CSMD1: variants seen among roughly 807,000 people sequenced by gnomAD.
CSMD1 encodes CUB and Sushi multiple domains 1, also known as CUB and sushi domain-containing protein 1.
A neutral mutation model predicts 417.5 loss-of-function variants in CSMD1; 213 were observed. The ratio of observed to expected loss-of-function variants is 0.51; its 90% confidence interval spans 0.46 to 0.57. CSMD1 has a LOEUF of 0.57. Ranked by LOEUF, CSMD1 falls within the 20% of genes least tolerant of loss-of-function variation. The pLI, the probability that CSMD1 is intolerant of heterozygous loss-of-function variation, is 0.00. For synonymous variants in CSMD1, 2,862 were observed against 1,736.8 expected (o/e 1.65, Z -16.11); for missense variants, 6,923 against 4,529.7 (o/e 1.53, Z -15.17).
intron 1 of CSMD1, among the ~76,000 whole-genome samples, chr8:4,844,853 G>C (rs533913870): frequency 1.6e-4 from 24 of 152,180 alleles, no homozygotes; most frequent in South Asian, 6.2e-4. Context: ...AAAGCTAAGA[G>C]ATATGCCAGT....
At chr8:4,307,164 G>C (rs1274379441) in intron 3 of CSMD1, among the ~76,000 whole-genome samples, 1 of 152,050 alleles carries the variant, frequency 6.6e-6, no homozygotes, top group Non-Finnish European at 1.5e-5. Flanking sequence ...CTCATCTTCA[G>C]CACAGGCTCC....
At chr8:3,740,456 G>A (rs1019766819) in intron 6 of CSMD1, among the ~76,000 whole-genome samples, 1 of 152,174 alleles carries the variant, frequency 6.6e-6, no homozygotes. Context: ...ACTTTTGCAG[G>A]AGAACTCAGA....
chr8:4,494,147 T>C (rs917319914), intron 2 of CSMD1, among the ~76,000 whole-genome samples: 2 of 152,192 alleles, frequency 1.3e-5, no homozygotes, highest in Admixed American at 6.5e-5. Context: ...TGGGGTAAGA[T>C]ATTGTTGTTT....
chr8:4,523,370 G>C (rs1409167886), intron 2 of CSMD1, among the ~76,000 whole-genome samples: 1 of 152,072 alleles, frequency 6.6e-6, no homozygotes, highest in Non-Finnish European at 1.5e-5. Flanking sequence ...ACTTTTTGTT[G>C]TAGCTGTTGT....
intron 5 of CSMD1, among the ~76,000 whole-genome samples, chr8:3,792,809 C>G (rs1262681451): frequency 2.0e-5 from 3 of 152,166 alleles, no homozygotes; most frequent in East Asian, 3.9e-4. Flanking sequence ...TTGATAATGA[C>G]AGAGAAACAA....
chr8:3,496,070 C>T (rs192768337), intron 10 of CSMD1, among the ~76,000 whole-genome samples: 25 of 152,176 alleles, frequency 1.6e-4, no homozygotes, highest in Admixed American at 7.2e-4. Context: ...CCAATGTTCC[C>T]GAAATAGGCT....
At chr8:4,595,863 C>T (rs7009652) in intron 2 of CSMD1, among the ~76,000 whole-genome samples, 37,652 of 152,132 alleles carry the variant, frequency 0.25, 7,112 homozygotes, top group African/African-American at 0.53. Context: ...CATGGATCTT[C>T]CATTCCTTCT....
At position 2,961,205 on chromosome 8, in the gene CSMD1, T is replaced by G; in HGVS notation, c.9638A>C (p.His3213Pro). ...CGTACCAGGGTCTGGGCAGGTGTTA[T>G]GAGCAGGATCTGAAATTTGTGATTT... Reference protein sequence around the residue: ...GIQPTCIDPAHNTCPDPGTPH... With the variant: ...GIQPTCIDPAPNTCPDPGTPH... Residue 3213 changes from histidine (H) to proline (P), a missense_variant, in exon 62 of 70, where the codon CAT (histidine) becomes CCT (proline). Coordinates refer to ENST00000635120, the MANE Select transcript of CSMD1 (RefSeq NM_033225.6). The G allele has an allele frequency of 6.3e-7, 1 of 1,593,814 alleles. No homozygotes were observed. The highest frequency in any genetic ancestry group is 2.3e-5 in the East Asian group (1 of 44,358).
intron 2 of CSMD1, among the ~76,000 whole-genome samples, chr8:4,516,791 C>A (rs1200943025): frequency 6.6e-6 from 1 of 152,082 alleles, no homozygotes; most frequent in African/African-American, 2.4e-5. Flanking sequence ...TTCTTGTTGA[C>A]CAACCCAGGA....
intron 5 of CSMD1, among the ~76,000 whole-genome samples, chr8:3,931,419 GA>G (rs879867973): frequency 1.3e-5 from 2 of 149,020 alleles, no homozygotes; most frequent in Non-Finnish European, 3.0e-5. Flanking sequence ...GGGTATTGTG[GA>G]AAAAAAAATC....
chr8:4,401,125 A>G (rs1367867455), intron 3 of CSMD1, among the ~76,000 whole-genome samples: 1 of 152,138 alleles, frequency 6.6e-6, no homozygotes, highest in Non-Finnish European at 1.5e-5. Context: ...CTCCACATAA[A>G]GCTTCTGTTT....
In CSMD1 at chr8:3,151,640, CA is replaced by C. The variant is rs1223999419; in HGVS notation, c.5915-128del. The C allele has an allele frequency of 4.7e-6, 3 of 635,388 alleles. No individual in the cohort carries two copies. In the East Asian group the frequency reaches 8.2e-5, roughly 17 times the overall value. The allele number at this position is 635,388 out of a possible 1,614,324, so 39.4% of individuals were successfully genotyped here. A position where few individuals can be genotyped will look rare whatever the true frequency, so the allele number is the denominator to read the frequency against. ...TCGGAGTTAATTCTGCCCCTAATTA[CA>C]GCACACGATACAATGCTGTGTGCCT... On this transcript the variant is annotated intron_variant, in intron 39 of 69. Coordinates refer to ENST00000635120, the MANE Select transcript of CSMD1 (RefSeq NM_033225.6).
intron 7 of CSMD1, among the ~76,000 whole-genome samples, chr8:3,704,427 A>T (rs919997084): frequency 1.2e-4 from 18 of 152,204 alleles, no homozygotes; most frequent in Non-Finnish European, 5.9e-5. Flanking sequence ...TATACAAACA[A>T]GAGAAGTGGT....
chr8:4,247,896 A>G (rs576785042), intron 3 of CSMD1, among the ~76,000 whole-genome samples: 2 of 152,254 alleles, frequency 1.3e-5, no homozygotes, highest in Non-Finnish European at 2.9e-5. Context: ...TGAGGGATAA[A>G]TTTTCACCCA....
At position 3,931,679 on chromosome 8, in the gene CSMD1, C is replaced by A. The variant is rs186816626; in HGVS notation, c.818+66224G>T. On this transcript the variant is annotated intron_variant, in intron 5 of 69. Transcript: ENST00000635120. ...TGTATAGTTCTAAAAAACAAACAAA[C>A]AAACAACAAAAGGACTATAGTTTAG... is the stretch of plus-strand genomic sequence containing the variant. 2.7e-5 allele frequency among the ~76,000 whole-genome samples: 4 copies of A among 149,292 alleles called. 1 individual carries two copies. Among genetic ancestry groups the A allele is most frequent in the Non-Finnish European group, 4.5e-5 (3 of 67,338 alleles).
At chr8:3,094,680 T>G (rs1049241579) in intron 47 of CSMD1, among the ~76,000 whole-genome samples, 1 of 151,814 alleles carries the variant, frequency 6.6e-6, no homozygotes, top group African/African-American at 2.4e-5. Context: ...TAAAAAGCAT[T>G]ATGGGATATC....
chr8:4,009,129 T>C (rs971701549), intron 4 of CSMD1, among the ~76,000 whole-genome samples: 4 of 152,174 alleles, frequency 2.6e-5, no homozygotes, highest in Non-Finnish European at 5.9e-5. Flanking sequence ...ACTGACTTAA[T>C]CCAAGAAGAA....
chr8:4,293,898 G>C lies in CSMD1; in HGVS notation c.415+126055C>G, dbSNP rs79553019. ...GAGACCAGATTTAAGGTTTGATAGA[G>C]GGATGTCCTATTAGTGTCTACTGTA... On this transcript the variant is annotated intron_variant, in intron 3 of 69. Coordinates refer to ENST00000635120, the MANE Select transcript of CSMD1 (RefSeq NM_033225.6). 6.5e-4 allele frequency among the ~76,000 whole-genome samples: 98 copies of C among 151,930 alleles called. 1 individual carries two copies. The East Asian group carries it at 0.017, about 27-fold the overall frequency.
chr8:3,124,542 T>C (rs962293041), intron 41 of CSMD1, among the ~76,000 whole-genome samples: 1 of 152,178 alleles, frequency 6.6e-6, no homozygotes, highest in Non-Finnish European at 1.5e-5. Flanking sequence ...GTTCTAAACA[T>C]AGAAAGAGTT....
Sources: allele counts gnomAD v4.1 joint callset (sites outside exome capture counted in the v4.1 genomes callset), GRCh38; gene constraint gnomAD v4.1.1; transcripts MANE v1.5; gene names NCBI Gene and HGNC (gene_info 2026-07-23, HGNC 2026-07-21).